The following RPTOR variants were observed in gnomAD, a reference collection of about 807,000 sequenced individuals.
The protein encoded by RPTOR is regulatory associated protein of MTOR complex 1, also known as regulatory-associated protein of mTOR.
A neutral mutation model predicts 169.9 loss-of-function variants in RPTOR; 21 were observed. The observed-to-expected ratio is 0.12, with a 90% confidence interval of 0.09 to 0.18. The LOEUF (loss-of-function observed/expected upper bound fraction) is 0.18, where lower values mean the gene tolerates loss of function less well. RPTOR is among the 10% of genes least tolerant of loss of function. The probability of loss-of-function intolerance (pLI) is 1.00; values close to 1 mark genes in which losing one functional copy is unlikely to be tolerated. For missense variants in RPTOR, 1,133 were observed against 1,855.9 expected, an observed-to-expected ratio of 0.61 and a Z score of 7.16; for synonymous variants, 732 against 753.2, an observed-to-expected ratio of 0.97 and a Z score of 0.46.
chr17:80,685,613 ATATATATATATATATTTTTTTTT>A (rs1452090576), intron 3 of RPTOR, among the ~76,000 whole-genome samples: 5 of 10,586 alleles, frequency 4.7e-4, no homozygotes, highest in Admixed American at 1.1e-3. Context: ...ATATATATAT[ATATATATATATATATTTTTTTTT>A]TTTTTTTTTT....
intron 6 of RPTOR, among the ~76,000 whole-genome samples, chr17:80,788,283 A>G (rs1001596715): frequency 6.6e-6 from 1 of 151,978 alleles, no homozygotes; most frequent in African/African-American, 2.4e-5. Context: ...GACCAGCCTG[A>G]CCAACATGGC....
intron 1 of RPTOR, among the ~76,000 whole-genome samples, chr17:80,556,772 T>G (rs1039034240): frequency 2.3e-5 from 3 of 133,236 alleles, no homozygotes; most frequent in African/African-American, 8.2e-5. Flanking sequence ...AAAGAGACCA[T>G]CTACCCAGAT....
chr17:80,869,709 G>A (rs574585745), intron 13 of RPTOR, among the ~76,000 whole-genome samples: 2 of 152,350 alleles, frequency 1.3e-5, no homozygotes, highest in South Asian at 2.1e-4. Flanking sequence ...TGTCTGGAGT[G>A]TGATCATGGC....
chr17:80,947,162 A>G lies in RPTOR; in HGVS notation c.3141-65A>G, dbSNP rs1186855117. The G allele has an allele frequency of 4.8e-6, 7 of 1,454,710 alleles. No homozygotes were observed. Among genetic ancestry groups the G allele is most frequent in the Non-Finnish European group, 5.5e-6 (6 of 1,095,280 alleles). 90.1% of individuals were successfully genotyped at this position (1,454,710 alleles called of 1,614,324 possible). A position where few individuals can be genotyped will look rare whatever the true frequency, so the allele number is the denominator to read the frequency against. ...AGCAGCCCGGTGGGTTTCAGGAGGT[A>G]TCTCACTGTCATTTGGGTTTGCAGT... On this transcript the variant is annotated intron_variant, in intron 26 of 33. Transcript: ENST00000306801. The surrounding 1 kb of genome is among the most constrained non-coding windows in gnomAD (Gnocchi z 4.4).
intron 1 of RPTOR, among the ~76,000 whole-genome samples, chr17:80,604,387 T>C (rs1034411744): frequency 6.6e-6 from 1 of 152,230 alleles, no homozygotes; most frequent in Non-Finnish European, 1.5e-5. Context: ...CTATAAAATA[T>C]CTTTGCATTA....
chr17:80,886,285 G>A (rs977115346), intron 17 of RPTOR, among the ~76,000 whole-genome samples: 7 of 152,354 alleles, frequency 4.6e-5, no homozygotes, highest in Non-Finnish European at 8.8e-5. Flanking sequence ...ACGTTCTATC[G>A]TGTGTACCCT....
chr17:80,743,439 A>G, intron 5 of RPTOR: 11 of 985,548 alleles, frequency 1.1e-5, no homozygotes, highest in Non-Finnish European at 1.3e-5. Context: ...TAGGAAAGGC[A>G]TGTCAGTGAC....
chr17:80,794,980 T>C (rs1247596030), intron 7 of RPTOR, among the ~76,000 whole-genome samples: 2 of 152,108 alleles, frequency 1.3e-5, no homozygotes, highest in East Asian at 3.9e-4. Flanking sequence ...GTTCCACAGA[T>C]CCACCCACAC....
At chr17:80,625,177 A>C (rs961190234) in intron 1 of RPTOR, among the ~76,000 whole-genome samples, 1 of 152,184 alleles carries the variant, frequency 6.6e-6, no homozygotes, top group Admixed American at 6.5e-5. Context: ...GAGAGTGAAC[A>C]ACGCAGGCAG....
At chr17:80,849,181 C>G (rs2067765951) in intron 11 of RPTOR, among the ~76,000 whole-genome samples, 1 of 152,226 alleles carries the variant, frequency 6.6e-6, no homozygotes, top group Non-Finnish European at 1.5e-5. Flanking sequence ...TTGCCAAAGC[C>G]TGGGCCCTGT....
At chr17:80,649,378 T>C (rs1248079529) in intron 3 of RPTOR, among the ~76,000 whole-genome samples, 1 of 152,142 alleles carries the variant, frequency 6.6e-6, no homozygotes, top group Non-Finnish European at 1.5e-5. Context: ...GCCATTACCA[T>C]TCCATCATCC....
chr17:80,687,660 CA>C (rs2065958889), intron 3 of RPTOR, among the ~76,000 whole-genome samples: 2 of 152,190 alleles, frequency 1.3e-5, no homozygotes, highest in South Asian at 4.1e-4. Flanking sequence ...TGCCACAGCA[CA>C]GCCACGGAAT....
At chr17:80,900,772 A>G (rs927021967) in intron 20 of RPTOR, among the ~76,000 whole-genome samples, 4 of 152,200 alleles carry the variant, frequency 2.6e-5, no homozygotes, top group Non-Finnish European at 5.9e-5. Flanking sequence ...GTATCTGGCC[A>G]TCAAGTAAGA....
chr17:80,752,369 C>T (rs560440854), intron 5 of RPTOR, among the ~76,000 whole-genome samples: 2 of 152,332 alleles, frequency 1.3e-5, no homozygotes, highest in East Asian at 1.9e-4. Flanking sequence ...TCTGCATCCC[C>T]GGAAGGGAGG....
intron 10 of RPTOR, among the ~76,000 whole-genome samples, chr17:80,840,103 T>C (rs955821225): frequency 6.6e-6 from 1 of 152,174 alleles, no homozygotes; most frequent in Non-Finnish European, 1.5e-5. Context: ...CTGCACATAC[T>C]CGTGTAATCA....
intron 13 of RPTOR, among the ~76,000 whole-genome samples, chr17:80,865,895 T>C (rs2067984401): frequency 6.6e-6 from 1 of 151,952 alleles, no homozygotes; most frequent in Non-Finnish European, 1.5e-5. Flanking sequence ...CAAATAAACC[T>C]CAACAAATGT....
chr17:80,754,275 G>T lies in RPTOR; in HGVS notation c.830+90G>T. On this transcript the variant is annotated intron_variant, in intron 6 of 33. Transcript: ENST00000306801. This position sits in a 1 kb window ranked among gnomAD's most constrained non-coding sequence, Gnocchi z 4.2. ...CATGTGGGCCCCAGGCATTCACCTG[G>T]TCCCAGGAGCCCACGTGACAGACAT... 7.5e-7 allele frequency: 1 copy of T among 1,327,470 alleles called. No homozygotes were observed. Among genetic ancestry groups the T allele is most frequent in the South Asian group, 1.4e-5 (1 of 69,264 alleles). 82.2% of individuals were successfully genotyped at this position (1,327,470 alleles called of 1,614,324 possible).
chr17:80,761,051 G>A (rs932576553), intron 6 of RPTOR, among the ~76,000 whole-genome samples: 1 of 152,060 alleles, frequency 6.6e-6, no homozygotes, highest in Admixed American at 6.6e-5. Context: ...ATTCCAAAAT[G>A]AGCAATGACA....
chr17:80,636,811 C>T (rs1046551645), intron 2 of RPTOR, among the ~76,000 whole-genome samples: 4 of 152,188 alleles, frequency 2.6e-5, no homozygotes, highest in African/African-American at 9.7e-5. Flanking sequence ...CAAGGTGCTG[C>T]ATGAGCTGCT....
Sources: gnomAD v4.1 joint callset for allele counts (sites outside exome capture counted in the v4.1 genomes callset) on GRCh38, gnomAD v4.1.1 for gene constraint, Gnocchi (gnomAD v3.1) non-coding constraint, MANE v1.5 for transcripts, NCBI Gene and HGNC (gene_info 2026-07-23, HGNC 2026-07-21) for gene names.